IGF1R: variants seen among roughly 807,000 people sequenced by gnomAD.
IGF1R encodes insulin like growth factor 1 receptor.
A neutral mutation model predicts 144.6 loss-of-function variants in IGF1R; 44 were observed. The ratio of observed to expected loss-of-function variants is 0.30; its 90% CI spans 0.24 to 0.39. The LOEUF (loss-of-function observed/expected upper bound fraction) is 0.39. Among genes scored for constraint, IGF1R ranks in the 10% least tolerant of loss-of-function variants. The pLI, the probability that IGF1R is intolerant of heterozygous loss-of-function variation, is 1.00. For missense variants in IGF1R, 1,355 were observed against 1,833.7 expected (o/e 0.74, Z 4.77); for synonymous variants, 795 against 722.8 (o/e 1.10, Z -1.60).
In IGF1R at chr15:98,899,158, G is replaced by A. The variant is rs145204244; in HGVS notation, c.1103-319G>A. On this transcript the variant is annotated intron_variant, in intron 4 of 20. Coordinates refer to ENST00000650285, the MANE Select transcript of IGF1R (RefSeq NM_000875.5). Reference sequence around the variant, plus strand: ...CTGTTGACAGAGCATATTAAAAGACGTTCCCTACATTCGTCAGCCTTAGCT... The same window carrying A: ...CTGTTGACAGAGCATATTAAAAGACATTCCCTACATTCGTCAGCCTTAGCT... Among the ~76,000 whole-genome samples the A allele has an allele frequency of 1.8e-4, 28 of 152,304 alleles. No homozygotes were observed. In the East Asian group the frequency reaches 4.6e-3, roughly 25 times the overall value.
At chr15:98,763,442 C>T (rs909926426) in intron 2 of IGF1R, among the ~76,000 whole-genome samples, 5 of 150,962 alleles carry the variant, frequency 3.3e-5, no homozygotes, top group South Asian at 2.1e-4. Context: ...GTACACCTGA[C>T]GTGGCTGGGA....
intron 10 of IGF1R, among the ~76,000 whole-genome samples, chr15:98,920,158 T>C (rs546639850): frequency 2.0e-5 from 3 of 152,332 alleles, no homozygotes; most frequent in South Asian, 2.1e-4. Flanking sequence ...GGTTGTATTA[T>C]GGGATGGAGT....
rs1027363053 is a variant in IGF1R at position 98,772,043 on chromosome 15, G to GC, written c.640+63937dup. ...AGCTTGCACAGCTGAGCTCTAAAGTGCATACATCCCTTAAGTTCTCATACA... is the reference window on the plus strand; with the variant it reads ...AGCTTGCACAGCTGAGCTCTAAAGTGCCATACATCCCTTAAGTTCTCATACA... On this transcript the variant is annotated intron_variant, in intron 2 of 20. Transcript: ENST00000650285. Among the ~76,000 whole-genome samples the GC allele has an allele frequency of 7.9e-5, 12 of 152,186 alleles. 2 individuals carry two copies. The highest frequency in any genetic ancestry group is 6.5e-4 in the Admixed American group (10 of 15,282).
intron 2 of IGF1R, among the ~76,000 whole-genome samples, chr15:98,848,805 T>C (rs1449176475): frequency 4.6e-5 from 7 of 152,214 alleles, no homozygotes. Context: ...TTTATCATCA[T>C]ACAACTGTAC....
intron 5 of IGF1R, among the ~76,000 whole-genome samples, chr15:98,907,471 T>C (rs2014789305): frequency 6.6e-6 from 1 of 152,200 alleles, no homozygotes; most frequent in South Asian, 2.1e-4. Flanking sequence ...ACATTAGATC[T>C]GTGAGTGGAT....
Position 98,813,661 on chromosome 15 carries a change from G to C in IGF1R, c.641-77664G>C, listed in dbSNP as rs191616373. ...CTGTTGGCCTCACCGTACCTGAATAGCAGTAAACCCTACATCTTAAAATAC... is the reference window on the plus strand; with the variant it reads ...CTGTTGGCCTCACCGTACCTGAATACCAGTAAACCCTACATCTTAAAATAC... On this transcript the variant is annotated intron_variant, in intron 2 of 20. Transcript: ENST00000650285. 2.7e-3 allele frequency among the ~76,000 whole-genome samples: 405 copies of C among 152,332 alleles called. 3 individuals are homozygous for C. The highest frequency in any genetic ancestry group is 8.9e-3 in the African/African-American group (370 of 41,566).
intron 2 of IGF1R, among the ~76,000 whole-genome samples, chr15:98,862,434 T>TTAA (rs2012209217): frequency 2.6e-5 from 4 of 152,196 alleles, no homozygotes; most frequent in Admixed American, 6.5e-5. Context: ...TGCTAGGCAA[T>TTAA]ATGTCAGAAT....
chr15:98,775,513 G>C (rs975574434), intron 2 of IGF1R, among the ~76,000 whole-genome samples: 6 of 152,026 alleles, frequency 3.9e-5, no homozygotes, highest in African/African-American at 1.2e-4. Context: ...TCTCAACCTG[G>C]GCCTCCTACC....
intron 1 of IGF1R, among the ~76,000 whole-genome samples, chr15:98,693,675 G>A (rs776852916): frequency 6.6e-6 from 1 of 152,112 alleles, no homozygotes; most frequent in Non-Finnish European, 1.5e-5. Flanking sequence ...GCATGATCTC[G>A]GCTAACTGCA....
rs556408609 is a variant in IGF1R, at chr15:98,699,037, C to T, written c.95-8525C>T. ...AGTGAGAGGACAGGGGACACAGGGC[C>T]GACTTTTATTTAGGACATTTGCCTG... On this transcript the variant is annotated intron_variant, in intron 1 of 20. Transcript: ENST00000650285. 5.9e-5 allele frequency among the ~76,000 whole-genome samples: 9 copies of T among 152,266 alleles called. 1 individual carries two copies. The highest frequency in any genetic ancestry group is 9.6e-5 in the African/African-American group (4 of 41,566).
chr15:98,740,727 T>G (rs2054718220), intron 2 of IGF1R, among the ~76,000 whole-genome samples: 1 of 152,218 alleles, frequency 6.6e-6, no homozygotes, highest in Admixed American at 6.5e-5. Flanking sequence ...CTCTGTGCTG[T>G]GTAGCTTCCA....
chr15:98,814,189 T>C (rs1011091252), intron 2 of IGF1R, among the ~76,000 whole-genome samples: 1 of 152,222 alleles, frequency 6.6e-6, no homozygotes, highest in Non-Finnish European at 1.5e-5. Context: ...CTAGATCCTG[T>C]TGCAAAACCA....
rs967651181 is a variant in IGF1R, at chr15:98,667,474, C to G, written c.94+17799C>G. 3.9e-5 allele frequency among the ~76,000 whole-genome samples: 6 copies of G among 152,200 alleles called. 1 individual carries two copies. The highest frequency in any genetic ancestry group is 3.3e-4 in the Admixed American group (5 of 15,280). On this transcript the variant is annotated intron_variant, in intron 1 of 20. Coordinates refer to ENST00000650285, the MANE Select transcript of IGF1R (RefSeq NM_000875.5). Reference sequence around the variant, plus strand: ...AGGGCTAGAGGCTTCGCCTTACAGGCCAGGAAGCTTGGAGGGACGCGCTGC... The same window carrying G: ...AGGGCTAGAGGCTTCGCCTTACAGGGCAGGAAGCTTGGAGGGACGCGCTGC...
At chr15:98,805,281 T>C (rs1245138015) in intron 2 of IGF1R, among the ~76,000 whole-genome samples, 1 of 152,182 alleles carries the variant, frequency 6.6e-6, no homozygotes, top group Non-Finnish European at 1.5e-5. Context: ...ATAGGTCTTA[T>C]TCTCCTCCCC....
chr15:98,729,529 C>T (rs911957864), intron 2 of IGF1R, among the ~76,000 whole-genome samples: 1 of 148,058 alleles, frequency 6.8e-6, no homozygotes, highest in African/African-American at 2.5e-5. Context: ...CTGTTTTCTT[C>T]ATTGTACTGT....
intron 10 of IGF1R, among the ~76,000 whole-genome samples, chr15:98,919,617 G>T (rs950445768): frequency 6.6e-6 from 1 of 152,214 alleles, no homozygotes; most frequent in Non-Finnish European, 1.5e-5. Context: ...TACTGGAGAA[G>T]TGTGTTTATC....
intron 10 of IGF1R, among the ~76,000 whole-genome samples, chr15:98,917,920 T>A (rs2015320769): frequency 6.6e-6 from 1 of 152,252 alleles, no homozygotes; most frequent in Non-Finnish European, 1.5e-5. Flanking sequence ...ATAATGATGA[T>A]AGCTGTACCA....
At chr15:98,663,990 C>G (rs759620445) in intron 1 of IGF1R, among the ~76,000 whole-genome samples, 3 of 152,352 alleles carry the variant, frequency 2.0e-5, no homozygotes, top group Non-Finnish European at 4.4e-5. Flanking sequence ...ACGATTAGTG[C>G]CACTCTCTGG....
At chr15:98,816,296 G>T (rs1282501658) in intron 2 of IGF1R, among the ~76,000 whole-genome samples, 1 of 152,176 alleles carries the variant, frequency 6.6e-6, no homozygotes, top group Non-Finnish European at 1.5e-5. Context: ...TGCATATCAG[G>T]TCTCAGGAAA....
Sources: allele counts gnomAD v4.1 joint callset (sites outside exome capture counted in the v4.1 genomes callset), GRCh38; gene constraint gnomAD v4.1.1; transcripts MANE v1.5; gene names NCBI Gene and HGNC (gene_info 2026-07-23, HGNC 2026-07-21).